Variants in CDH23 observed in about 807,000 individuals in gnomAD.
CDH23 encodes cadherin-23.
Under a neutral mutation model 317.1 loss-of-function variants are expected in CDH23, and 189 were observed. The observed-to-expected ratio is 0.60, with a 90% CI of 0.53 to 0.67. CDH23 has a LOEUF of 0.67. Ranked by LOEUF, CDH23 falls within the 30% of genes least tolerant of loss-of-function variation. The pLI, the probability that CDH23 is intolerant of heterozygous loss-of-function variation, is 0.00. For missense variants in CDH23, 4,401 were observed against 4,592.4 expected (o/e 0.96, Z 1.20); for synonymous variants, 1,839 against 1,876.8 (o/e 0.98, Z 0.52).
chr10:71,425,489 C>T (rs142155374), intron 1 of CDH23, among the ~76,000 whole-genome samples: 1 of 152,000 alleles, frequency 6.6e-6, no homozygotes, highest in African/African-American at 2.4e-5. Flanking sequence ...GAGGGAGGAG[C>T]CTGAGAGAGG....
chr10:71,482,741 A>C (rs990384131), intron 3 of CDH23, among the ~76,000 whole-genome samples: 7 of 152,242 alleles, frequency 4.6e-5, no homozygotes, highest in African/African-American at 7.2e-5. Flanking sequence ...ATGGAGACAC[A>C]GGAGGATAAA....
chr10:71,416,044 G>A (rs1435376056), intron 1 of CDH23, among the ~76,000 whole-genome samples: 1 of 152,152 alleles, frequency 6.6e-6, no homozygotes, highest in Non-Finnish European at 1.5e-5. Flanking sequence ...TGTCCTTACT[G>A]ATTTGTTTTT....
chr10:71,694,766 C>G (rs143941980), intron 21 of CDH23, among the ~76,000 whole-genome samples: 3 of 152,236 alleles, frequency 2.0e-5, no homozygotes, highest in African/African-American at 7.2e-5. Flanking sequence ...AAGTGAGAAG[C>G]CCTCTGTGGG....
intron 6 of CDH23, among the ~76,000 whole-genome samples, chr10:71,524,094 C>T (rs907698896): frequency 4.6e-5 from 7 of 152,242 alleles, no homozygotes. Flanking sequence ...GCTTTCAGAG[C>T]AGCAGAGCTT....
In CDH23 at chr10:71,798,456, C is replaced by G. The variant is rs368449271; in HGVS notation, c.6932C>G (p.Pro2311Arg). 20 of 1,613,890 alleles carry G rather than the reference C, an allele frequency of 1.2e-5. No individual in the cohort carries two copies. Among genetic ancestry groups the G allele is most frequent in the Non-Finnish European group, 1.6e-5 (19 of 1,179,878 alleles). The change falls in exon 50 of 70, where the codon CCT becomes CGT. Residue 2311 changes from proline to arginine, a missense_variant. Physicochemically the swap from Pro to Arg is moderately radical, Grantham distance 103. Transcript: ENST00000224721. ...GAGCGGATCCTGGAGGGGGCCACCC[C>G]TGGGACCACACTCATTGCTGTGGCA... ...YMERILEGAT[P>R]GTTLIAVAAV... is the part of the protein sequence containing the mutation.
chr10:71,440,010 C>CTGTCT (rs1849801114), intron 2 of CDH23, 112 bp downstream of exon 2: 2 of 821,432 alleles, frequency 2.4e-6, no homozygotes, highest in Non-Finnish European at 4.0e-6. Context: ...TCTGGAGACA[C>CTGTCT]TGTCTTACTG....
At chr10:71,653,843 G>C (rs772149050) in intron 14 of CDH23, among the ~76,000 whole-genome samples, 7 of 152,198 alleles carry the variant, frequency 4.6e-5, no homozygotes, top group Admixed American at 2.0e-4. Context: ...GAGAGACGGG[G>C]CATTTAAAGC....
chr10:71,560,027 C>T (rs1045977894), intron 6 of CDH23, among the ~76,000 whole-genome samples: 3 of 152,216 alleles, frequency 2.0e-5, no homozygotes, highest in South Asian at 2.1e-4. Flanking sequence ...CGTCCTCCTG[C>T]GCTCAAGTGC....
Position 71,510,143 on chromosome 10 carries a change from G to T in CDH23, c.207G>T (p.Val69=). The T allele has an allele frequency of 6.2e-7, 1 of 1,614,044 alleles. No homozygotes were observed. The highest frequency in any genetic ancestry group is 1.3e-5 in the African/African-American group (1 of 75,066). The change falls in exon 4 of 70, where the codon GTG becomes GTT. Residue 69 remains valine (V), a synonymous_variant. Coordinates refer to ENST00000224721, the MANE Select transcript of CDH23 (RefSeq NM_022124.6). The stretch of plus-strand genomic sequence containing the variant: ...ACAATGACCCCCTGGTGTTTGGCGT[G>T]TCTGGGGAGGAGGCCTCTCGCTTCT... ...DMDNDPLVFG[V]SGEEASRFFA...
At chr10:71,405,276 C>T (rs76679509) in intron 1 of CDH23, among the ~76,000 whole-genome samples, 3,943 of 152,140 alleles carry the variant, frequency 0.026, 120 homozygotes, top group East Asian at 0.078. Context: ...GCCCCTGGCC[C>T]GGGAGGAGGC....
At chr10:71,530,614 T>G (rs1855317990) in intron 6 of CDH23, among the ~76,000 whole-genome samples, 1 of 152,196 alleles carries the variant, frequency 6.6e-6, no homozygotes, top group Non-Finnish European at 1.5e-5. Context: ...TTCTCCCTCT[T>G]TCCCAAGCAC....
intron 69 of CDH23, among the ~76,000 whole-genome samples, 153 bp downstream of exon 69, chr10:71,813,501 G>A (rs1842013709): frequency 6.6e-6 from 1 of 152,212 alleles, no homozygotes; most frequent in East Asian, 1.9e-4. Flanking sequence ...TCAGACAGCA[G>A]GATCTGCTTT....
intron 38 of CDH23, among the ~76,000 whole-genome samples, chr10:71,756,088 G>A (rs1296390166): frequency 6.6e-6 from 1 of 152,058 alleles, no homozygotes; most frequent in East Asian, 1.9e-4. Context: ...GAAACACCCG[G>A]GGTGAGAACT....
intron 1 of CDH23, among the ~76,000 whole-genome samples, chr10:71,437,857 A>G (rs1475619679): frequency 6.6e-6 from 1 of 152,074 alleles, no homozygotes; most frequent in African/African-American, 2.4e-5. Context: ...GAGCATGTGG[A>G]CTCCAACTGG....
chr10:71,620,422 C>T (rs4746087), intron 11 of CDH23, among the ~76,000 whole-genome samples: 12,941 of 152,182 alleles, frequency 0.085, 913 homozygotes, highest in East Asian at 0.37. Flanking sequence ...CCGGAACCCC[C>T]CAGGACTGCT....
At chr10:71,788,823 G>T in intron 44 of CDH23, 117 bp from the exon 45 acceptor site, 1 of 664,128 alleles carries the variant, frequency 1.5e-6, no homozygotes. Flanking sequence ...GTTGGTGTGG[G>T]CTTTTCTGAT....
intron 42 of CDH23, among the ~76,000 whole-genome samples, 162 bp downstream of exon 42, chr10:71,784,582 C>T (rs1220134794): frequency 6.6e-6 from 1 of 152,220 alleles, no homozygotes; most frequent in Non-Finnish European, 1.5e-5. Flanking sequence ...CTCGCCACAT[C>T]CAGCAACTCT....
Position 71,646,975 on chromosome 10 carries a change from T to A in CDH23, c.1449+358T>A, listed in dbSNP as rs527638312. ...TCCTTGAGAAGGGCAACCCTCTCCA[T>A]GTGAGCACAGGCACCAGAGAGGGGC... On this transcript the variant is annotated intron_variant, in intron 14 of 69. Coordinates refer to ENST00000224721, the MANE Select transcript of CDH23 (RefSeq NM_022124.6). The A allele has an allele frequency of 4.1e-6, 4 of 985,188 alleles. No individual in the cohort carries two copies. In the South Asian group the frequency reaches 1.4e-4, roughly 35 times the overall value. 61.0% of individuals were successfully genotyped at this position (985,188 alleles called of 1,614,324 possible).
chr10:71,625,501 G>T (rs1471769969), intron 11 of CDH23, among the ~76,000 whole-genome samples: 1 of 151,234 alleles, frequency 6.6e-6, no homozygotes, highest in African/African-American at 2.4e-5. Context: ...GAGGTGAGAA[G>T]GGGAGACTGT....
Sources: allele counts gnomAD v4.1 joint callset (sites outside exome capture counted in the v4.1 genomes callset), GRCh38; gene constraint gnomAD v4.1.1; transcripts MANE v1.5; gene names NCBI Gene and HGNC (gene_info 2026-07-23, HGNC 2026-07-21).